The following TMPRSS11D variants were observed in gnomAD, a reference collection of about 807,000 sequenced individuals.
TMPRSS11D encodes the protein transmembrane protease serine 11D.
TMPRSS11D carries 32 observed loss-of-function variants against 44.4 expected under a neutral mutation model. That is an observed-to-expected ratio of 0.72 (90% CI 0.54 to 0.97). The LOEUF is 0.97. Ranked by LOEUF, TMPRSS11D falls within the 50% of genes least tolerant of loss-of-function variation. The probability of loss-of-function intolerance (pLI) is 0.00; values close to 1 mark genes in which losing one functional copy is unlikely to be tolerated. For missense variants in TMPRSS11D, 446 were observed against 502.6 expected (o/e 0.89, Z 1.08); for synonymous variants, 179 against 177.9 (o/e 1.01, Z -0.05).
At chr4:67,861,553 A>G (rs186847030) in intron 1 of TMPRSS11D, among the ~76,000 whole-genome samples, 1 of 152,102 alleles carries the variant, frequency 6.6e-6, no homozygotes, top group Admixed American at 6.6e-5. Flanking sequence ...AGGATCTGTA[A>G]GCGTGGAGTG....
rs377293470 is a variant in TMPRSS11D at position 67,822,375 on chromosome 4, C to T, written c.1219G>A (p.Ala407Thr). 3.1e-6 allele frequency: 5 copies of T among 1,613,858 alleles called. No homozygotes were observed. Among genetic ancestry groups the T allele is most frequent in the Non-Finnish European group, 4.2e-6 (5 of 1,179,842 alleles). Reference protein sequence around the residue: ...DKPGVYTRVTAYLDWIRQQTG... With the variant: ...DKPGVYTRVTTYLDWIRQQTG... ...TGTTGCCTAATCCAGTCAAGGTAGGCTGTCACTCGAGTATACACTCCTGGC... is the reference window on the plus strand; with the variant it reads ...TGTTGCCTAATCCAGTCAAGGTAGGTTGTCACTCGAGTATACACTCCTGGC... The change falls in exon 10 of 10, where the codon GCC (alanine) becomes ACC (threonine). Residue 407 changes from alanine to threonine, a missense_variant. Ala to Thr is a moderately conservative substitution (Grantham distance 58). Coordinates refer to ENST00000283916, the MANE Select transcript of TMPRSS11D (RefSeq NM_004262.3).
chr4:67,840,070 T>C (rs1272837941), intron 4 of TMPRSS11D, among the ~76,000 whole-genome samples: 1 of 150,398 alleles, frequency 6.6e-6, no homozygotes, highest in Non-Finnish European at 1.5e-5. Context: ...TGGAGGTAGA[T>C]ATGTTAAGTC....
intron 2 of TMPRSS11D, among the ~76,000 whole-genome samples, chr4:67,858,658 A>G (rs1474874595): frequency 3.3e-5 from 5 of 152,000 alleles, no homozygotes; most frequent in Non-Finnish European, 7.4e-5. Flanking sequence ...TTCTCTTAAC[A>G]CTCACACATA....
intron 1 of TMPRSS11D, among the ~76,000 whole-genome samples, chr4:67,881,960 G>A (rs1437865403): frequency 6.6e-5 from 10 of 152,042 alleles, no homozygotes; most frequent in African/African-American, 1.7e-4. Flanking sequence ...CATCTCACAC[G>A]TTTTCTGTAA....
chr4:67,823,166 G>A (rs1317708314), intron 9 of TMPRSS11D, among the ~76,000 whole-genome samples: 2 of 152,154 alleles, frequency 1.3e-5, no homozygotes, highest in African/African-American at 4.8e-5. Context: ...TGAGTTTCTA[G>A]AAGTCTCACT....
At chr4:67,846,704 A>G (rs1041000319) in intron 3 of TMPRSS11D, among the ~76,000 whole-genome samples, 1 of 152,164 alleles carries the variant, frequency 6.6e-6, no homozygotes, top group African/African-American at 2.4e-5. Flanking sequence ...TTTTAAAGAA[A>G]TGTGTACAAA....
intron 3 of TMPRSS11D, among the ~76,000 whole-genome samples, chr4:67,846,321 T>C (rs1005519326): frequency 3.9e-5 from 6 of 152,086 alleles, no homozygotes; most frequent in African/African-American, 7.2e-5. Flanking sequence ...TTATAATATA[T>C]TTATGAAATT....
At chr4:67,830,257 A>G (rs983431314) in intron 7 of TMPRSS11D, among the ~76,000 whole-genome samples, 1 of 152,070 alleles carries the variant, frequency 6.6e-6, no homozygotes, top group Non-Finnish European at 1.5e-5. Flanking sequence ...AGACATGTAT[A>G]TTTCGAATAT....
intron 3 of TMPRSS11D, among the ~76,000 whole-genome samples, chr4:67,843,650 G>T (rs557988090): frequency 3.3e-5 from 5 of 152,318 alleles, no homozygotes; most frequent in Non-Finnish European, 5.9e-5. Flanking sequence ...ATGGCCGGGC[G>T]CAGTGGCTCA....
intron 3 of TMPRSS11D, 105 bp from the exon 4 acceptor site, chr4:67,842,730 A>G: frequency 1.9e-6 from 2 of 1,053,318 alleles, no homozygotes; most frequent in African/African-American, 1.6e-5. Context: ...AGAAAACTGA[A>G]TTTTCACTTT....
At chr4:67,864,266 G>A (rs1718864607) in intron 1 of TMPRSS11D, among the ~76,000 whole-genome samples, 1 of 151,934 alleles carries the variant, frequency 6.6e-6, no homozygotes, top group African/African-American at 2.4e-5. Flanking sequence ...TTATAGTAAA[G>A]AAGAGGAATG....
chr4:67,852,457 T>G (rs142058976), intron 3 of TMPRSS11D, among the ~76,000 whole-genome samples: 1 of 152,264 alleles, frequency 6.6e-6, no homozygotes, highest in East Asian at 1.9e-4. Flanking sequence ...TCTAACAAGT[T>G]TCTAGGTTAT....
chr4:67,882,139 A>G (rs537807592), intron 1 of TMPRSS11D, among the ~76,000 whole-genome samples: 44 of 152,144 alleles, frequency 2.9e-4, no homozygotes, highest in Non-Finnish European at 5.1e-4. Context: ...TTGCAGCAGC[A>G]TGGAAGAGAG....
Position 67,833,493 on chromosome 4 carries a change from C to T in TMPRSS11D, c.515-112G>A, listed in dbSNP as rs1032253266. 7.6e-6 allele frequency: 8 copies of T among 1,046,304 alleles called. No individual in the cohort carries two copies. In the South Asian group the frequency reaches 2.0e-4, roughly 26 times the overall value. 64.8% of individuals were successfully genotyped at this position (1,046,304 alleles called of 1,614,324 possible). A position where few individuals can be genotyped will look rare whatever the true frequency, so the allele number is the denominator to read the frequency against. ...CTTTTATGTCTTATACATTCTTCCT[C>T]AGGACATGCTGGATTTTCCAAAAAG... On this transcript the variant is annotated intron_variant, in intron 6 of 9. Transcript: ENST00000283916.
chr4:67,875,999 A>G (rs1719181383), intron 1 of TMPRSS11D, among the ~76,000 whole-genome samples: 1 of 152,208 alleles, frequency 6.6e-6, no homozygotes, highest in Non-Finnish European at 1.5e-5. Context: ...TACTGGCACA[A>G]AGAGTCACAT....
intron 3 of TMPRSS11D, among the ~76,000 whole-genome samples, chr4:67,851,204 G>A (rs148328467): frequency 1.4e-3 from 215 of 152,260 alleles, no homozygotes; most frequent in Admixed American, 3.2e-3. Context: ...CAGCCATTCC[G>A]TTCCCTCTGC....
chr4:67,850,215 A>C (rs1310064838), intron 3 of TMPRSS11D, among the ~76,000 whole-genome samples: 1 of 152,204 alleles, frequency 6.6e-6, no homozygotes, highest in Non-Finnish European at 1.5e-5. Flanking sequence ...AAATACATCA[A>C]CTGCACTATT....
chr4:67,845,718 T>C (rs1036481398), intron 3 of TMPRSS11D, among the ~76,000 whole-genome samples: 2 of 152,174 alleles, frequency 1.3e-5, no homozygotes, highest in Non-Finnish European at 2.9e-5. Flanking sequence ...CTATTTAATA[T>C]TTCCCTTCTG....
At chr4:67,851,577 G>A (rs185939055) in intron 3 of TMPRSS11D, among the ~76,000 whole-genome samples, 95 of 152,280 alleles carry the variant, frequency 6.2e-4, no homozygotes, top group Non-Finnish European at 6.2e-4. Context: ...GGAGCAGTTC[G>A]TTAGGGATTG....
Sources: gnomAD v4.1 joint callset for allele counts (sites outside exome capture counted in the v4.1 genomes callset) on GRCh38, gnomAD v4.1.1 for gene constraint, MANE v1.5 for transcripts, NCBI Gene and HGNC (gene_info 2026-07-23, HGNC 2026-07-21) for gene names.